RPS6KC1: variants seen among roughly 807,000 people sequenced by gnomAD.
The protein encoded by RPS6KC1 is ribosomal protein S6 kinase C1, also known as inactive ribosomal protein S6 kinase delta-1.
RPS6KC1 carries 54 observed loss-of-function variants against 103.8 expected under a neutral mutation model. That is an observed-to-expected ratio of 0.52 (90% CI 0.42 to 0.65). The LOEUF (loss-of-function observed/expected upper bound fraction) is 0.65, where lower values mean the gene tolerates loss of function less well. RPS6KC1 is among the 30% of genes least tolerant of loss of function. The probability of loss-of-function intolerance (pLI) is 0.00; values close to 1 mark genes in which losing one functional copy is unlikely to be tolerated. For missense variants in RPS6KC1, 1,151 were observed against 1,253.8 expected (o/e 0.92, Z 1.24); for synonymous variants, 439 against 438.7 (o/e 1.00, Z -0.01).
the RPS6KC1 span, among the ~76,000 whole-genome samples, chr1:213,857,075 C>A: frequency 6.6e-6 from 1 of 152,066 alleles, no homozygotes; most frequent in East Asian, 1.9e-4. Context: ...TATTATATGC[C>A]TAAAACTGGG....
At chr1:213,749,379 A>C in the RPS6KC1 span, among the ~76,000 whole-genome samples, 3 of 152,054 alleles carry the variant, frequency 2.0e-5, no homozygotes, top group Admixed American at 6.6e-5. Flanking sequence ...AAGTGAAGAG[A>C]TTTCTGGATA....
At chr1:213,304,900 A>G in the RPS6KC1 span, among the ~76,000 whole-genome samples, 1 of 152,162 alleles carries the variant, frequency 6.6e-6, no homozygotes, top group South Asian at 2.1e-4. Flanking sequence ...GCCACTAAAC[A>G]TTCTTTGAAA....
chr1:213,106,746 G>A (rs945686878), intron 4 of RPS6KC1, among the ~76,000 whole-genome samples: 4 of 152,052 alleles, frequency 2.6e-5, no homozygotes, highest in African/African-American at 9.7e-5. Flanking sequence ...GAACTTCTAT[G>A]ACCCATGGCC....
chr1:213,301,474 T>C, the RPS6KC1 span, among the ~76,000 whole-genome samples: 2 of 152,114 alleles, frequency 1.3e-5, no homozygotes, highest in Non-Finnish European at 2.9e-5. Flanking sequence ...GGGGATGCAG[T>C]GATAAACAAG....
At chr1:213,560,678 G>A in the RPS6KC1 span, among the ~76,000 whole-genome samples, 1 of 152,112 alleles carries the variant, frequency 6.6e-6, no homozygotes, top group Non-Finnish European at 1.5e-5. Flanking sequence ...CCTAATAAAT[G>A]AGTATTATTT....
chr1:213,534,952 G>A, the RPS6KC1 span, among the ~76,000 whole-genome samples: 1 of 152,074 alleles, frequency 6.6e-6, no homozygotes, highest in Admixed American at 6.6e-5. Context: ...TTAATCCTAC[G>A]ATTAAGTTCG....
the RPS6KC1 span, among the ~76,000 whole-genome samples, chr1:213,295,946 T>G: frequency 6.6e-6 from 1 of 152,202 alleles, no homozygotes; most frequent in South Asian, 2.1e-4. Flanking sequence ...ATCATCCAGG[T>G]TTTTATTAGC....
chr1:213,311,674 A>C, the RPS6KC1 span, among the ~76,000 whole-genome samples: 2 of 152,160 alleles, frequency 1.3e-5, no homozygotes, highest in African/African-American at 2.4e-5. Flanking sequence ...AGAGCTGTGC[A>C]GAAAATGGAT....
At chr1:213,484,728 G>C in the RPS6KC1 span, among the ~76,000 whole-genome samples, 143 of 152,312 alleles carry the variant, frequency 9.4e-4, 1 homozygote, top group African/African-American at 3.2e-3. Flanking sequence ...TCTTGGTTTA[G>C]GTTTGCTCAG....
chr1:213,088,052 T>C (rs2080586498), intron 3 of RPS6KC1, among the ~76,000 whole-genome samples: 1 of 152,180 alleles, frequency 6.6e-6, no homozygotes. Flanking sequence ...AGGACTTGCA[T>C]TACCTTGCTG....
chr1:213,715,943 G>A, the RPS6KC1 span, among the ~76,000 whole-genome samples: 1 of 151,328 alleles, frequency 6.6e-6, no homozygotes, highest in African/African-American at 2.4e-5. Context: ...AAACGTACAT[G>A]AGATTTAACT....
At chr1:213,517,492 T>C in the RPS6KC1 span, among the ~76,000 whole-genome samples, 1 of 152,128 alleles carries the variant, frequency 6.6e-6, no homozygotes, top group Non-Finnish European at 1.5e-5. Flanking sequence ...ATGTACCCAG[T>C]AGTCATTCAG....
At chr1:213,477,728 G>A in the RPS6KC1 span, among the ~76,000 whole-genome samples, 1 of 152,132 alleles carries the variant, frequency 6.6e-6, no homozygotes, top group Non-Finnish European at 1.5e-5. Context: ...AAATTAATAA[G>A]CTTTTTAAAA....
chr1:213,071,799 T>A (rs1176885701), intron 2 of RPS6KC1, among the ~76,000 whole-genome samples: 1 of 152,236 alleles, frequency 6.6e-6, no homozygotes, highest in African/African-American at 2.4e-5. Flanking sequence ...GCTTTAGGCA[T>A]AGATATTTCT....
At chr1:213,406,538 C>T in the RPS6KC1 span, among the ~76,000 whole-genome samples, 5 of 152,044 alleles carry the variant, frequency 3.3e-5, no homozygotes, top group East Asian at 1.9e-4. Context: ...TGGAGCTGCT[C>T]GTGTGTAAAG....
At chr1:213,437,725 A>C in the RPS6KC1 span, among the ~76,000 whole-genome samples, 1 of 150,940 alleles carries the variant, frequency 6.6e-6, no homozygotes, top group South Asian at 2.1e-4. Context: ...TAATTTGTCA[A>C]TTTTGCTTAA....
Position 213,210,516 on chromosome 1 carries a change from G to A in RPS6KC1, c.1045-19981G>A, listed in dbSNP as rs577053090. 7.9e-5 allele frequency among the ~76,000 whole-genome samples: 12 copies of A among 152,290 alleles called. No individual in the cohort carries two copies. The East Asian group carries it at 2.3e-3, about 29-fold the overall frequency. ...CCACCTTTTCTCACAGAGTGTACCTGTAGACTGTTGACAGAATACTTTGTT... is the reference window on the plus strand; with the variant it reads ...CCACCTTTTCTCACAGAGTGTACCTATAGACTGTTGACAGAATACTTTGTT... On this transcript the variant is annotated intron_variant, in intron 8 of 14. Coordinates refer to ENST00000366960, the MANE Select transcript of RPS6KC1 (RefSeq NM_012424.6).
chr1:213,316,516 G>C, the RPS6KC1 span, among the ~76,000 whole-genome samples: 3 of 152,204 alleles, frequency 2.0e-5, no homozygotes, highest in African/African-American at 7.2e-5. Flanking sequence ...TAGTTACTGA[G>C]TGTCTATTAT....
intron 3 of RPS6KC1, among the ~76,000 whole-genome samples, chr1:213,085,905 C>T (rs1208561024): frequency 1.3e-5 from 2 of 151,930 alleles, no homozygotes; most frequent in Non-Finnish European, 2.9e-5. Context: ...CTTGTAACTT[C>T]CTCTCATCCT....
Sources: allele counts gnomAD v4.1 joint callset (sites outside exome capture counted in the v4.1 genomes callset), GRCh38; gene constraint gnomAD v4.1.1; transcripts MANE v1.5; gene names NCBI Gene and HGNC (gene_info 2026-07-23, HGNC 2026-07-21).